The following SUGCT variants were observed in gnomAD, a reference collection of about 807,000 sequenced individuals.
SUGCT encodes succinyl-CoA:glutarate CoA-transferase.
In SUGCT, 41 loss-of-function variants were observed where a neutral mutation model predicts 55.0. The ratio of observed to expected loss-of-function variants is 0.74; its 90% CI spans 0.58 to 0.97. The LOEUF (loss-of-function observed/expected upper bound fraction) is 0.97. Among genes scored for constraint, SUGCT ranks in the 50% least tolerant of loss-of-function variants. The pLI is 0.00. For synonymous variants in SUGCT, 187 were observed against 200.4 expected (o/e 0.93, Z 0.56); for missense variants, 568 against 547.8 (o/e 1.04, Z -0.37).
At chr7:40,857,776 G>C (rs1410404015) in intron 13 of SUGCT, among the ~76,000 whole-genome samples, 1 of 152,176 alleles carries the variant, frequency 6.6e-6, no homozygotes. Context: ...TTTATAAGGA[G>C]TAGCCAGAAT....
chr7:40,407,043 T>C (rs1397175591), intron 9 of SUGCT, among the ~76,000 whole-genome samples: 1 of 151,912 alleles, frequency 6.6e-6, no homozygotes, highest in Non-Finnish European at 1.5e-5. Context: ...CTTAAATACA[T>C]TTTTTTGTCA....
intron 12 of SUGCT, among the ~76,000 whole-genome samples, chr7:40,576,946 G>A (rs1318158187): frequency 6.6e-6 from 1 of 152,164 alleles, no homozygotes; most frequent in African/African-American, 2.4e-5. Flanking sequence ...TGGGGCCAAG[G>A]AGAGTGATGC....
the SUGCT span, among the ~76,000 whole-genome samples, chr7:41,017,367 C>T: frequency 6.6e-6 from 1 of 152,232 alleles, no homozygotes; most frequent in African/African-American, 2.4e-5. Context: ...GGCCACATGG[C>T]AGACCCTTCT....
downstream of SUGCT, among the ~76,000 whole-genome samples, chr7:40,865,684 A>G (rs1794565229): frequency 6.6e-6 from 1 of 152,180 alleles, no homozygotes; most frequent in Non-Finnish European, 1.5e-5. Flanking sequence ...AGAGCATGAC[A>G]GTGTGATCGG....
chr7:40,269,489 A>C (rs373433969), intron 7 of SUGCT, among the ~76,000 whole-genome samples: 1 of 151,798 alleles, frequency 6.6e-6, no homozygotes, highest in East Asian at 1.9e-4. Context: ...TGTCTGGCTA[A>C]TTTTTGTATT....
rs117170454 is a variant in SUGCT at position 40,410,119 on chromosome 7, T to G, written c.817-39168T>G. 2.5e-3 allele frequency among the ~76,000 whole-genome samples: 386 copies of G among 152,302 alleles called. 14 individuals are homozygous for G. The East Asian group carries it at 0.05, about 20-fold the overall frequency. ...ATTAGATATGCAATTACCATGCTTA[T>G]ATTGTATTACTATGCTTGTATTATA... is the stretch of plus-strand genomic sequence containing the variant. On this transcript the variant is annotated intron_variant, in intron 9 of 13. Coordinates refer to ENST00000335693, the MANE Select transcript of SUGCT (RefSeq NM_001193313.2).
In SUGCT at chr7:40,232,410, G is replaced by A. The variant is rs2150862713; in HGVS notation, c.485-5225G>A. 4.6e-5 allele frequency among the ~76,000 whole-genome samples: 7 copies of A among 152,212 alleles called. 2 individuals are homozygous for A. The highest frequency in any genetic ancestry group is 4.6e-4 in the Admixed American group (7 of 15,286). ...AGGGCAACAGGGGTTAATGAGTGGG[G>A]TTCTAAGAGTATGAGCATGTATTCA... On this transcript the variant is annotated intron_variant, in intron 6 of 13. Transcript: ENST00000335693.
intron 12 of SUGCT, among the ~76,000 whole-genome samples, chr7:40,518,646 T>C (rs1021262394): frequency 6.6e-6 from 1 of 152,150 alleles, no homozygotes; most frequent in African/African-American, 2.4e-5. Flanking sequence ...CTCCCAGATC[T>C]TGTTTTCCAA....
At chr7:40,367,103 A>C (rs948868870) in intron 9 of SUGCT, among the ~76,000 whole-genome samples, 3 of 152,094 alleles carry the variant, frequency 2.0e-5, no homozygotes, top group Non-Finnish European at 4.4e-5. Flanking sequence ...TGATGAGTTC[A>C]TGTCCTTTGT....
At chr7:40,836,050 G>C (rs1338552047) in intron 13 of SUGCT, among the ~76,000 whole-genome samples, 2 of 147,216 alleles carry the variant, frequency 1.4e-5, no homozygotes, top group Admixed American at 6.9e-5. Flanking sequence ...ATGTCACTAT[G>C]CCTACTAATT....
intron 12 of SUGCT, among the ~76,000 whole-genome samples, chr7:40,570,850 C>CTTTTTTTTT (rs776733346): frequency 9.6e-5 from 5 of 52,306 alleles, no homozygotes; most frequent in African/African-American, 4.3e-4. Flanking sequence ...GCTTTAGGCT[C>CTTTTTTTTT]TTTTTTTTTT....
intron 1 of SUGCT, among the ~76,000 whole-genome samples, chr7:40,175,552 C>T (rs1562815678): frequency 1.3e-5 from 2 of 152,182 alleles, no homozygotes; most frequent in East Asian, 1.9e-4. Context: ...TTATTGATTT[C>T]ATTAACACCC....
intron 12 of SUGCT, among the ~76,000 whole-genome samples, chr7:40,558,336 G>T (rs1179495980): frequency 2.0e-5 from 3 of 152,192 alleles, no homozygotes; most frequent in Non-Finnish European, 1.5e-5. Context: ...AGCAACGTTA[G>T]TCACAATAGC....
At chr7:40,420,488 G>A (rs984241058) in intron 9 of SUGCT, among the ~76,000 whole-genome samples, 4 of 151,874 alleles carry the variant, frequency 2.6e-5, no homozygotes, top group Non-Finnish European at 4.4e-5. Flanking sequence ...ACAGGTGCCC[G>A]CCACCATGCC....
At chr7:40,358,816 A>T (rs1798007057) in intron 9 of SUGCT, among the ~76,000 whole-genome samples, 1 of 152,244 alleles carries the variant, frequency 6.6e-6, no homozygotes, top group African/African-American at 2.4e-5. Flanking sequence ...CAAAGAAGCT[A>T]GTAGCCAATT....
At chr7:40,653,555 G>A (rs780254458) in intron 12 of SUGCT, among the ~76,000 whole-genome samples, 8 of 152,072 alleles carry the variant, frequency 5.3e-5, no homozygotes, top group Non-Finnish European at 2.9e-5. Context: ...ACATTCCGAC[G>A]TGTATTTAAA....
intron 8 of SUGCT, among the ~76,000 whole-genome samples, chr7:40,279,024 G>GA (rs1554300694): frequency 6.6e-6 from 1 of 150,382 alleles, no homozygotes; most frequent in African/African-American, 2.4e-5. Context: ...TTTAGAGATG[G>GA]GGGGGTCTGA....
the SUGCT span, among the ~76,000 whole-genome samples, chr7:40,968,888 C>T: frequency 1.3e-5 from 2 of 152,150 alleles, no homozygotes; most frequent in Admixed American, 6.5e-5. Context: ...TGGAAGTCCC[C>T]TCCTCACAAG....
intron 8 of SUGCT, among the ~76,000 whole-genome samples, chr7:40,303,391 A>G (rs1415267560): frequency 6.6e-6 from 1 of 152,186 alleles, no homozygotes; most frequent in Admixed American, 6.5e-5. Context: ...GGCTAAAAAC[A>G]TTGGAACTCT....
Sources: gnomAD v4.1 joint callset for allele counts (sites outside exome capture counted in the v4.1 genomes callset) on GRCh38, gnomAD v4.1.1 for gene constraint, MANE v1.5 for transcripts, NCBI Gene and HGNC (gene_info 2026-07-23, HGNC 2026-07-21) for gene names.